MTARC2: variants seen among roughly 807,000 people sequenced by gnomAD.
The protein encoded by MTARC2 is MOCO sulphurase C-terminal domain containing 2.
In MTARC2, 27 loss-of-function variants were observed where a neutral mutation model predicts 35.6. The ratio of observed to expected loss-of-function variants is 0.76; its 90% CI spans 0.56 to 1.04. MTARC2 has a LOEUF of 1.04. Among genes scored for constraint, MTARC2 ranks in the 50% least tolerant of loss-of-function variants. The pLI, the probability that MTARC2 is intolerant of heterozygous loss-of-function variation, is 0.00. For synonymous variants in MTARC2, 158 were observed against 167.1 expected, an observed-to-expected ratio of 0.95 and a Z score of 0.42; for missense variants, 412 against 432.5, an observed-to-expected ratio of 0.95 and a Z score of 0.42.
At chr1:220,772,782 G>A (rs1671780505) in intron 4 of MTARC2, among the ~76,000 whole-genome samples, 1 of 152,090 alleles carries the variant, frequency 6.6e-6, no homozygotes, top group Non-Finnish European at 1.5e-5. Context: ...GGGAACCATG[G>A]CATGGTCTTT....
intron 2 of MTARC2, among the ~76,000 whole-genome samples, chr1:220,758,099 C>T (rs1211646968): frequency 6.6e-6 from 1 of 152,112 alleles, no homozygotes; most frequent in East Asian, 1.9e-4. Context: ...ATTCTCCTGC[C>T]TCAGCCTCCT....
In MTARC2 at chr1:220,752,184, G is replaced by A. The variant is rs539754860; in HGVS notation, c.273-2763G>A. 3.9e-5 allele frequency among the ~76,000 whole-genome samples: 6 copies of A among 152,298 alleles called. No homozygotes were observed. The East Asian group carries it at 9.7e-4, about 25-fold the overall frequency. Reference sequence around the variant, plus strand: ...CAGGCTGTGAGCCACGGTGAAGGGCGACATTAATAAGGGATGAATGGGAGA... The same window carrying A: ...CAGGCTGTGAGCCACGGTGAAGGGCAACATTAATAAGGGATGAATGGGAGA... On this transcript the variant is annotated intron_variant, in intron 1 of 7. Transcript: ENST00000366913.
chr1:220,749,861 C>A (rs929889709), intron 1 of MTARC2, among the ~76,000 whole-genome samples: 3 of 152,180 alleles, frequency 2.0e-5, no homozygotes, highest in Non-Finnish European at 2.9e-5. Context: ...CACTCCAGGA[C>A]ACGCGGATGC....
At chr1:220,761,856 G>C in intron 3 of MTARC2, 36 bp downstream of exon 3, 1 of 1,557,892 alleles carries the variant, frequency 6.4e-7, no homozygotes, top group Non-Finnish European at 8.7e-7. Flanking sequence ...ACTGCTACTA[G>C]TCACCCTTCT....
intron 7 of MTARC2, 149 bp from the exon 8 acceptor site, chr1:220,783,770 T>G: frequency 1.6e-6 from 1 of 615,542 alleles, no homozygotes; most frequent in Non-Finnish European, 3.0e-6. Context: ...TGATGTGAGT[T>G]AGAGCTAATG....
chr1:220,761,936 C>T, intron 3 of MTARC2, 116 bp downstream of exon 3: 2 of 1,016,004 alleles, frequency 2.0e-6, no homozygotes, highest in African/African-American at 3.2e-5. Context: ...ATGATAATGG[C>T]CCTGGTGAGT....
chr1:220,762,804 T>C (rs780792798), intron 3 of MTARC2, 106 bp from the exon 4 acceptor site: 1 of 1,216,032 alleles, frequency 8.2e-7, no homozygotes, highest in East Asian at 2.3e-5. Flanking sequence ...ACTGCTCCCC[T>C]CTTCTGCACT....
At chr1:220,752,210 T>C (rs1259605055) in intron 1 of MTARC2, among the ~76,000 whole-genome samples, 1 of 152,122 alleles carries the variant, frequency 6.6e-6, no homozygotes, top group Non-Finnish European at 1.5e-5. Flanking sequence ...GAATGGGAGA[T>C]GAGAAGATTC....
At chr1:220,752,424 C>A (rs1671147563) in intron 1 of MTARC2, among the ~76,000 whole-genome samples, 1 of 152,128 alleles carries the variant, frequency 6.6e-6, no homozygotes, top group African/African-American at 2.4e-5. Context: ...TAGGGCCCAG[C>A]CCTGTGAGGC....
rs183881252 is a variant in MTARC2 at position 220,750,106 on chromosome 1, C to T, written c.272+1303C>T. On this transcript the variant is annotated intron_variant, in intron 1 of 7. Coordinates refer to ENST00000366913, the MANE Select transcript of MTARC2 (RefSeq NM_017898.5). ...AGAATCACCAAGAGTGGGGCCAACT[C>T]GTGTAGAATGTTTAAATCTCCCCCT... Among the ~76,000 whole-genome samples the T allele has an allele frequency of 4.1e-3, 626 of 152,154 alleles. 1 individual carries two copies. The highest frequency in any genetic ancestry group is 7.2e-3 in the Non-Finnish European group (491 of 68,016).
chr1:220,767,977 C>T (rs896251853), intron 4 of MTARC2, among the ~76,000 whole-genome samples: 1 of 152,152 alleles, frequency 6.6e-6, no homozygotes, highest in African/African-American at 2.4e-5. Context: ...ATAACAAGTC[C>T]GTTTTCTGGT....
chr1:220,757,622 G>A (rs185009600), intron 2 of MTARC2, among the ~76,000 whole-genome samples: 15 of 152,242 alleles, frequency 9.9e-5, no homozygotes, highest in South Asian at 2.1e-4. Flanking sequence ...GCCACTTCTC[G>A]TTATGTCCTC....
At chr1:220,755,954 G>A (rs1258052172) in intron 2 of MTARC2, among the ~76,000 whole-genome samples, 1 of 152,180 alleles carries the variant, frequency 6.6e-6, no homozygotes, top group Non-Finnish European at 1.5e-5. Flanking sequence ...GGAGTTAGTG[G>A]AGACTTTAGC....
chr1:220,755,128 G>A lies in MTARC2; in HGVS notation c.446+8G>A, dbSNP rs370041980. 5.7e-6 allele frequency: 9 copies of A among 1,591,476 alleles called. No homozygotes were observed. Among genetic ancestry groups the A allele is most frequent in the Middle Eastern group, 1.7e-4 (1 of 5,960 alleles). On this transcript the variant is annotated splice_region_variant and intron_variant, in intron 2 of 7. Transcript: ENST00000366913. Reference sequence around the variant, plus strand: ...CAAACTCCACAACTGCAGGTGTTCCGCTTGGGGGCATCCACAGAACTGCAA... The same window carrying A: ...CAAACTCCACAACTGCAGGTGTTCCACTTGGGGGCATCCACAGAACTGCAA...
intron 6 of MTARC2, among the ~76,000 whole-genome samples, chr1:220,781,291 A>T (rs3767324): frequency 0.016 from 2,471 of 152,348 alleles, 43 homozygotes; most frequent in East Asian, 0.056. Context: ...AAAGATTAAC[A>T]TCTGCAGTAG....
chr1:220,773,966 C>T (rs1028516146), intron 4 of MTARC2, among the ~76,000 whole-genome samples: 16 of 124,766 alleles, frequency 1.3e-4, no homozygotes, highest in African/African-American at 5.2e-4. Context: ...TATATATAAA[C>T]ACACACACAC....
intron 4 of MTARC2, among the ~76,000 whole-genome samples, chr1:220,771,684 AAC>A (rs959953838): frequency 1.3e-5 from 2 of 152,178 alleles, no homozygotes; most frequent in African/African-American, 4.8e-5. Flanking sequence ...CAGCTTGAAA[AAC>A]ACAGTATAGA....
intron 2 of MTARC2, among the ~76,000 whole-genome samples, 191 bp downstream of exon 2, chr1:220,755,311 AG>A (rs2102544832): frequency 6.6e-6 from 1 of 152,310 alleles, no homozygotes; most frequent in East Asian, 1.9e-4. Flanking sequence ...CAGGGTACCT[AG>A]GATTTGTTTT....
chr1:220,770,846 G>A (rs758616952), intron 4 of MTARC2, among the ~76,000 whole-genome samples: 6 of 152,372 alleles, frequency 3.9e-5, no homozygotes, highest in Middle Eastern at 3.4e-3. Context: ...TATGTGGGTG[G>A]AACACACAGA....
Sources: gnomAD v4.1 joint callset for allele counts (sites outside exome capture counted in the v4.1 genomes callset) on GRCh38, gnomAD v4.1.1 for gene constraint, MANE v1.5 for transcripts, NCBI Gene and HGNC (gene_info 2026-07-23, HGNC 2026-07-21) for gene names.